Variants in KSR2 observed in about 807,000 individuals in gnomAD.
KSR2 encodes the protein kinase suppressor of ras 2.
In KSR2, 25 loss-of-function variants were observed where a neutral mutation model predicts 107.8. The ratio of observed to expected loss-of-function variants is 0.23; its 90% confidence interval spans 0.17 to 0.32. KSR2 has a LOEUF of 0.32. KSR2 is among the 10% of genes least tolerant of loss of function. KSR2 has a pLI of 1.00. For synonymous variants in KSR2, 480 were observed against 507.0 expected, an observed-to-expected ratio of 0.95 and a Z score of 0.71; for missense variants, 887 against 1,268.9, an observed-to-expected ratio of 0.70 and a Z score of 4.57.
chr12:117,546,258 C>G (rs993840039), intron 9 of KSR2, among the ~76,000 whole-genome samples: 4 of 152,238 alleles, frequency 2.6e-5, no homozygotes, highest in African/African-American at 9.6e-5. Flanking sequence ...GAATTGAAAA[C>G]TTTTCTTTCA....
intron 14 of KSR2, among the ~76,000 whole-genome samples, chr12:117,487,997 G>A (rs1220175120): frequency 2.0e-5 from 3 of 152,168 alleles, no homozygotes; most frequent in Non-Finnish European, 4.4e-5. Context: ...TCAGGGCCAG[G>A]TGGAGATAAT....
At chr12:117,630,913 G>A (rs1195108775) in intron 5 of KSR2, among the ~76,000 whole-genome samples, 1 of 152,144 alleles carries the variant, frequency 6.6e-6, no homozygotes, top group African/African-American at 2.4e-5. Context: ...TGTGGGTATA[G>A]ATTCTCCAAA....
chr12:117,890,744 A>C (rs1894316974), intron 1 of KSR2: 1 of 152,200 alleles, frequency 6.6e-6, no homozygotes, highest in Admixed American at 6.5e-5. Context: ...CTTCCCACTT[A>C]GATGCACCGT....
intron 5 of KSR2, among the ~76,000 whole-genome samples, chr12:117,616,957 A>T (rs1042025099): frequency 1.3e-5 from 2 of 152,196 alleles, no homozygotes; most frequent in Non-Finnish European, 2.9e-5. Context: ...AACAAAAGCT[A>T]GGAGCCCTGC....
intron 1 of KSR2, among the ~76,000 whole-genome samples, chr12:117,941,374 A>G (rs1026518158): frequency 4.4e-5 from 5 of 114,132 alleles, no homozygotes. Context: ...CCATTTGGGG[A>G]AAAAAAATCA....
At chr12:117,884,938 G>A (rs1188808757) in intron 1 of KSR2, among the ~76,000 whole-genome samples, 1 of 152,140 alleles carries the variant, frequency 6.6e-6, no homozygotes, top group African/African-American at 2.4e-5. Flanking sequence ...TAGGAAAACT[G>A]CACAGAACTA....
chr12:117,786,101 G>A (rs1453231876), intron 3 of KSR2, among the ~76,000 whole-genome samples: 2 of 151,538 alleles, frequency 1.3e-5, no homozygotes, highest in Non-Finnish European at 2.9e-5. Flanking sequence ...TAGATAAAAG[G>A]ACAACAACTT....
chr12:117,748,517 C>A (rs1310214802), intron 4 of KSR2, among the ~76,000 whole-genome samples: 3 of 152,108 alleles, frequency 2.0e-5, no homozygotes, highest in Non-Finnish European at 4.4e-5. Context: ...AATAATTCCA[C>A]AATGTATACA....
intron 1 of KSR2, among the ~76,000 whole-genome samples, chr12:117,871,253 G>A (rs568414873): frequency 4.7e-4 from 72 of 152,250 alleles, no homozygotes; most frequent in African/African-American, 1.5e-3. Flanking sequence ...GATAAACTGG[G>A]ATTTGAACCC....
In KSR2 at chr12:117,936,537, TAGTAGTAG is replaced by T. The variant is rs1895854074; in HGVS notation, c.180+31531_180+31538del. ...TTATTATTATTATTATTATTATTAG[TAGTAGTAG>T]TAGTAGTAGTAGTAGTAGTAGTAGT... On this transcript the variant is annotated intron_variant, in intron 1 of 19. Coordinates refer to ENST00000339824, the MANE Select transcript of KSR2 (RefSeq NM_173598.6). 9.6e-5 allele frequency among the ~76,000 whole-genome samples: 8 copies of T among 83,560 alleles called. No individual in the cohort carries two copies. The East Asian group carries it at 2.0e-3, about 21-fold the overall frequency. The allele number at this position is 83,560 out of a possible 152,430, so 54.8% of individuals were successfully genotyped here.
intron 5 of KSR2, among the ~76,000 whole-genome samples, chr12:117,597,079 A>G (rs1283757392): frequency 6.6e-6 from 1 of 152,120 alleles, no homozygotes; most frequent in African/African-American, 2.4e-5. Flanking sequence ...GGGCATGGAA[A>G]ATATCATCAA....
chr12:117,820,542 A>T (rs779043704), intron 3 of KSR2, among the ~76,000 whole-genome samples: 6 of 152,196 alleles, frequency 3.9e-5, no homozygotes, highest in East Asian at 1.9e-4. Context: ...TTGCAATTTG[A>T]AAACCAGGCT....
Position 117,761,181 on chromosome 12 carries a change from G to A in KSR2, c.816C>T (p.Thr272=), listed in dbSNP as rs1888997897. Residue 272 remains threonine, a synonymous_variant, in exon 4 of 20, where the codon ACC becomes ACT. Transcript: ENST00000339824. The part of the protein sequence containing the change: ...PRTPNIVTTV[T]PPGTPPMRKK... The stretch of plus-strand genomic sequence containing the variant: ...TCCTCATGGGCGGCGTGCCCGGCGG[G>A]GTCACGGTGGTGACGATGTTGGGGG... 6.3e-7 allele frequency: 1 copy of A among 1,596,652 alleles called. No individual in the cohort carries two copies. Among genetic ancestry groups the A allele is most frequent in the East Asian group, 2.2e-5 (1 of 44,518 alleles).
intron 3 of KSR2, among the ~76,000 whole-genome samples, chr12:117,801,283 AT>A (rs35746430): frequency 0.046 from 6,222 of 135,884 alleles, 106 homozygotes; most frequent in Middle Eastern, 0.059. Context: ...TGCCCGGCTA[AT>A]TTTTTTTTTT....
At chr12:117,928,542 C>A (rs1895605719) in intron 1 of KSR2, among the ~76,000 whole-genome samples, 2 of 152,142 alleles carry the variant, frequency 1.3e-5, no homozygotes, top group Admixed American at 1.3e-4. Context: ...ATGGGTATAT[C>A]ATATTTTATT....
intron 3 of KSR2, among the ~76,000 whole-genome samples, chr12:117,811,398 G>T (rs1891184745): frequency 6.6e-6 from 1 of 152,192 alleles, no homozygotes; most frequent in Non-Finnish European, 1.5e-5. Flanking sequence ...CCCCTGTCCA[G>T]CAGCATCGGC....
intron 4 of KSR2, among the ~76,000 whole-genome samples, chr12:117,725,082 T>TCACACA (rs1397289530): frequency 4.3e-5 from 6 of 139,638 alleles, no homozygotes; most frequent in African/African-American, 1.4e-4. Context: ...TCTCTCTCTC[T>TCACACA]CTCACACACA....
intron 4 of KSR2, among the ~76,000 whole-genome samples, chr12:117,672,630 C>A (rs1884957896): frequency 6.8e-6 from 1 of 147,278 alleles, no homozygotes; most frequent in Admixed American, 6.8e-5. Context: ...ATCCAACAAA[C>A]TTTTTTTTTT....
chr12:117,962,580 G>A (rs116878297), intron 1 of KSR2, among the ~76,000 whole-genome samples: 3,081 of 151,772 alleles, frequency 0.02, 49 homozygotes, highest in Non-Finnish European at 0.033. Context: ...GAGTAGTTGG[G>A]ATTACAGGTA....
Sources: gnomAD v4.1 joint callset for allele counts (sites outside exome capture counted in the v4.1 genomes callset) on GRCh38, gnomAD v4.1.1 for gene constraint, MANE v1.5 for transcripts, NCBI Gene and HGNC (gene_info 2026-07-23, HGNC 2026-07-21) for gene names.